The following FAM161B variants were observed in gnomAD, a reference collection of about 807,000 sequenced individuals.
FAM161B encodes the protein FAM161 centrosomal protein B.
A neutral mutation model predicts 61.5 loss-of-function variants in FAM161B; 46 were observed. That is an observed-to-expected ratio of 0.75 (90% confidence interval 0.59 to 0.96). The LOEUF (loss-of-function observed/expected upper bound fraction) is 0.96, where lower values mean the gene tolerates loss of function less well. Ranked by LOEUF, FAM161B falls within the 40% of genes least tolerant of loss-of-function variation. The probability of loss-of-function intolerance (pLI) is 0.00; values close to 1 mark genes in which losing one functional copy is unlikely to be tolerated. For missense variants in FAM161B, 774 were observed against 800.7 expected (o/e 0.97, Z 0.40); for synonymous variants, 284 against 302.7 (o/e 0.94, Z 0.64).
intron 3 of FAM161B, among the ~76,000 whole-genome samples, chr14:73,943,742 A>G (rs2056038763): frequency 6.6e-6 from 1 of 152,082 alleles, no homozygotes; most frequent in African/African-American, 2.4e-5. Context: ...ATCCTTGTAA[A>G]TAACTCGCCA....
In FAM161B at chr14:73,944,701, C is replaced by T. The variant is rs146262646; in HGVS notation, c.559G>A (p.Glu187Lys). 28 of 1,606,334 alleles carry T rather than the reference C, an allele frequency of 1.7e-5. No homozygotes were observed. Among genetic ancestry groups the T allele is most frequent in the African/African-American group, 8.0e-5 (6 of 74,798 alleles). ...AAGGAGGCAGGTGAGCCCAGCCACT[C>T]GGCCTTCTTCCGGGCCTCGCGCAGC... is the stretch of plus-strand genomic sequence containing the variant. ...MTLREARKKAEWLGSPASFEQ... is the reference protein window; with the variant it reads ...MTLREARKKAKWLGSPASFEQ... The change falls in exon 3 of 9, where the codon GAG becomes AAG. Residue 187 changes from glutamate (E) to lysine (K), a missense_variant. Physicochemically the swap from Glu to Lys is moderately conservative, Grantham distance 56. Coordinates refer to ENST00000286544, the MANE Select transcript of FAM161B (RefSeq NM_152445.3).
chr14:73,930,800 T>A (rs1178981958), downstream of FAM161B, among the ~76,000 whole-genome samples: 2 of 151,946 alleles, frequency 1.3e-5, no homozygotes, highest in African/African-American at 4.8e-5. Flanking sequence ...AGGGCCTCAC[T>A]GTGTTGCCCA....
downstream of FAM161B, chr14:73,927,032 T>C (rs2055843612): frequency 6.5e-6 from 1 of 154,838 alleles, no homozygotes; most frequent in African/African-American, 2.4e-5. Context: ...CTATTTTTCA[T>C]TAAGGCCTGC....
the FAM161B span, among the ~76,000 whole-genome samples, chr14:73,925,710 G>T: frequency 2.6e-5 from 4 of 152,154 alleles, no homozygotes; most frequent in African/African-American, 9.7e-5. Context: ...TTACAGGTGT[G>T]AGCTGCCGCA....
At chr14:73,937,296 C>T (rs1190822273) in intron 7 of FAM161B, among the ~76,000 whole-genome samples, 1 of 152,114 alleles carries the variant, frequency 6.6e-6, no homozygotes, top group Non-Finnish European at 1.5e-5. Flanking sequence ...ATAGAAAGAG[C>T]CAAATGGTCC....
the FAM161B span, chr14:73,924,759 C>G: frequency 2.4e-6 from 1 of 420,420 alleles, no homozygotes; most frequent in Non-Finnish European, 4.6e-6. Flanking sequence ...TCACTGCAAC[C>G]TCTGCCTCCC....
chr14:73,946,916 T>C (rs1785429747), intron 1 of FAM161B, among the ~76,000 whole-genome samples: 1 of 152,090 alleles, frequency 6.6e-6, no homozygotes, highest in South Asian at 2.1e-4. Flanking sequence ...TTTTACAGAG[T>C]ACCTCACCTA....
At position 73,934,315 on chromosome 14, in the gene FAM161B, T is replaced by C; in HGVS notation, c.1885A>G (p.Arg629Gly). The part of the protein sequence containing the change: ...EGSLEQPASP[R>G]KVLEELSHQS... ...TGAGACAGCTCCTCCAGTACTTTCC[T>C]GGGGCTTGCAGGCTGTTCTAGAGAT... Residue 629 changes from arginine (R) to glycine (G), a missense_variant, in exon 9 of 9, where the codon AGG becomes GGG. Transcript: ENST00000286544. The C allele has an allele frequency of 1.2e-6, 2 of 1,614,200 alleles. No individual in the cohort carries two copies. Among genetic ancestry groups the C allele is most frequent in the East Asian group, 2.2e-5 (1 of 44,886 alleles).
At chr14:73,946,833 G>A (rs765039020) in intron 1 of FAM161B, among the ~76,000 whole-genome samples, 1 of 152,120 alleles carries the variant, frequency 6.6e-6, no homozygotes, top group Non-Finnish European at 1.5e-5. Context: ...TCTATGAAGT[G>A]CGCTTGGTTG....
At position 73,941,019 on chromosome 14, in the gene FAM161B, C is replaced by T; in HGVS notation, c.1307G>A (p.Arg436Lys). 1 of 1,613,156 alleles carries T rather than the reference C, an allele frequency of 6.2e-7. No homozygotes were observed. Among genetic ancestry groups the T allele is most frequent in the African/African-American group, 1.3e-5 (1 of 74,888 alleles). Residue 436 changes from arginine to lysine, a missense_variant, in exon 5 of 9, where the codon AGG (arginine) becomes AAG (lysine). Arg to Lys is a conservative substitution (Grantham distance 26). Transcript: ENST00000286544. The part of the protein sequence containing the change: ...SPQPPATPLP[R>K]SRSLSGLASL... ...AGCAAGGCCGCTCAGAGAACGACTC[C>T]TTGGCAGGGGTGTAGCTGGTGGCTG...
In FAM161B at chr14:73,942,692, G is replaced by A. The variant is rs138585435; in HGVS notation, c.949C>T (p.Arg317Cys). Residue 317 changes from arginine (R) to cysteine (C), a missense_variant, in exon 4 of 9, where the codon CGC becomes TGC. Coordinates refer to ENST00000286544, the MANE Select transcript of FAM161B (RefSeq NM_152445.3). ...ATGTCCAGGGCTCTCATTTGGATGC[G>A]AATTTTCCTGAAGAGCTCAGCTTCT... ...LQEAELFRKIRIQMRALDMLQ... is the reference protein window; with the variant it reads ...LQEAELFRKICIQMRALDMLQ... The A allele has an allele frequency of 1.4e-3, 2,277 of 1,613,332 alleles. 19 individuals carry two copies. Among genetic ancestry groups the A allele is most frequent in the East Asian group, 4.5e-3 (203 of 44,868 alleles).
chr14:73,923,489 A>C, the FAM161B span: 1 of 1,613,694 alleles, frequency 6.2e-7, no homozygotes, highest in Non-Finnish European at 8.5e-7. Flanking sequence ...AATCATATGA[A>C]GTTTCTGTCT....
chr14:73,924,607 A>C, the FAM161B span: 1 of 410,354 alleles, frequency 2.4e-6, no homozygotes, highest in South Asian at 1.8e-5. Context: ...TTTTGTCAAA[A>C]CCTCTGTAGC....
intron 3 of FAM161B, among the ~76,000 whole-genome samples, chr14:73,943,017 C>T (rs1024572934): frequency 6.6e-6 from 1 of 151,158 alleles, no homozygotes; most frequent in Non-Finnish European, 1.5e-5. Flanking sequence ...GAAGCAGTGA[C>T]CATCTACACT....
rs1285834941 is a variant in FAM161B, at chr14:73,936,072, T to G, written c.1682A>C (p.Glu561Ala). ...GGTGTCTAGATACCACTGTTCTGCT[T>G]CTTTCTTGGCTAGATCCTGTGGGAT... Reference protein sequence around the residue: ...EQVAKDLAKKEAEQWYLDTLK... With the variant: ...EQVAKDLAKKAAEQWYLDTLK... The change falls in exon 8 of 9, where the codon GAA becomes GCA. Residue 561 changes from glutamate (E) to alanine (A), a missense_variant. Glu to Ala is a moderately radical substitution (Grantham distance 107). Transcript: ENST00000286544. 3.1e-6 allele frequency: 5 copies of G among 1,609,828 alleles called. No homozygotes were observed. Among genetic ancestry groups the G allele is most frequent in the East Asian group, 2.2e-5 (1 of 44,814 alleles).
intron 5 of FAM161B, 133 bp from the exon 6 acceptor site, chr14:73,938,245 G>A: frequency 1.0e-6 from 1 of 961,524 alleles, no homozygotes; most frequent in Non-Finnish European, 1.5e-6. Context: ...GATCACCTGA[G>A]GTCAGGAGTC....
chr14:73,926,865 T>TA (rs1399002893), downstream of FAM161B, among the ~76,000 whole-genome samples: 1 of 152,194 alleles, frequency 6.6e-6, no homozygotes, highest in Non-Finnish European at 1.5e-5. Flanking sequence ...GAGGTTTGAT[T>TA]AGATTCAATT....
At chr14:73,929,637 G>C (rs2055882482), downstream of FAM161B, among the ~76,000 whole-genome samples, 1 of 152,038 alleles carries the variant, frequency 6.6e-6, no homozygotes, top group African/African-American at 2.4e-5. Flanking sequence ...AGGAGTTTGA[G>C]ACCAGCCTGG....
chr14:73,925,827 T>C, the FAM161B span, among the ~76,000 whole-genome samples: 1 of 151,052 alleles, frequency 6.6e-6, no homozygotes, highest in East Asian at 1.9e-4. Context: ...AATCCAGGAG[T>C]TCAAGACCAG....
Sources: gnomAD v4.1 joint callset for allele counts (sites outside exome capture counted in the v4.1 genomes callset) on GRCh38, gnomAD v4.1.1 for gene constraint, MANE v1.5 for transcripts, NCBI Gene and HGNC (gene_info 2026-07-23, HGNC 2026-07-21) for gene names.